The following WAPL variants were observed in gnomAD, a reference collection of about 807,000 sequenced individuals.
WAPL encodes the protein wings apart-like protein homolog.
Under a neutral mutation model 121.0 loss-of-function variants are expected in WAPL, and 5 were observed. The observed-to-expected ratio is 0.04, with a 90% confidence interval of 0.02 to 0.09. The LOEUF (loss-of-function observed/expected upper bound fraction) is 0.09, where lower values mean the gene tolerates loss of function less well. Among genes scored for constraint, WAPL ranks in the 10% least tolerant of loss-of-function variants. The probability of loss-of-function intolerance (pLI) is 1.00; values close to 1 mark genes in which losing one functional copy is unlikely to be tolerated. For missense variants in WAPL, 999 were observed against 1,410.8 expected, an observed-to-expected ratio of 0.71 and a Z score of 4.68; for synonymous variants, 480 against 481.5, an observed-to-expected ratio of 1.00 and a Z score of 0.04.
At position 86,453,226 on chromosome 10, in the gene WAPL, T is replaced by C; in HGVS notation, c.2943A>G (p.Arg981=). The change falls in exon 14 of 19, where the codon CGA becomes CGG. Residue 981 remains arginine (R), a synonymous_variant. Coordinates refer to ENST00000298767, the MANE Select transcript of WAPL (RefSeq NM_015045.5). ...YLPQEQRFDI[R]VLGLGLLINL... ...AAAAGTCATTTCAACTTACCAGCAC[T>C]CGAATATCAAATCTCTGCTCCTGAG... 6.2e-7 allele frequency: 1 copy of C among 1,613,978 alleles called. No homozygotes were observed. Among genetic ancestry groups the C allele is most frequent in the Non-Finnish European group, 8.5e-7 (1 of 1,179,936 alleles).
intron 17 of WAPL, among the ~76,000 whole-genome samples, chr10:86,442,778 G>A (rs940895509): frequency 6.6e-6 from 1 of 152,034 alleles, no homozygotes; most frequent in Non-Finnish European, 1.5e-5. Flanking sequence ...GGTGGCTCAC[G>A]CCTGTAATCC....
At chr10:86,484,014 C>T (rs978097489) in intron 4 of WAPL, among the ~76,000 whole-genome samples, 4 of 150,416 alleles carry the variant, frequency 2.7e-5, no homozygotes, top group African/African-American at 9.7e-5. Context: ...CCACCGCACC[C>T]AGGCAACAAA....
At chr10:86,487,341 T>A (rs545090038) in intron 4 of WAPL, among the ~76,000 whole-genome samples, 1 of 152,264 alleles carries the variant, frequency 6.6e-6, no homozygotes, top group South Asian at 2.1e-4. Flanking sequence ...CAAGAACTGC[T>A]CAATGATCAA....
At chr10:86,493,740 G>A (rs1013271794) in intron 4 of WAPL, among the ~76,000 whole-genome samples, 1 of 150,986 alleles carries the variant, frequency 6.6e-6, no homozygotes, top group South Asian at 2.1e-4. Context: ...ATTGGCTCAC[G>A]CCTGTAATCG....
At chr10:86,458,509 C>G (rs1482222325) in intron 12 of WAPL, among the ~76,000 whole-genome samples, 1 of 152,126 alleles carries the variant, frequency 6.6e-6, no homozygotes, top group African/African-American at 2.4e-5. Flanking sequence ...ATTTACTATA[C>G]GCCAAGTACT....
At chr10:86,486,223 A>T (rs1006800938) in intron 4 of WAPL, among the ~76,000 whole-genome samples, 3 of 152,206 alleles carry the variant, frequency 2.0e-5, no homozygotes, top group African/African-American at 7.2e-5. Flanking sequence ...ACACTGGGTA[A>T]AACTGTTCTG....
At chr10:86,504,403 G>A in intron 2 of WAPL, among the ~76,000 whole-genome samples, 1 of 149,956 alleles carries the variant, frequency 6.7e-6, no homozygotes, top group Non-Finnish European at 1.5e-5. Context: ...CAGGCCAGGT[G>A]CGGTGGCTCA....
chr10:86,476,918 G>C (rs990141099), intron 4 of WAPL, among the ~76,000 whole-genome samples: 1 of 152,028 alleles, frequency 6.6e-6, no homozygotes, highest in African/African-American at 2.4e-5. Context: ...TATATTAAAA[G>C]GTCATATTAA....
chr10:86,513,171 AT>A (rs1353154369), intron 2 of WAPL, among the ~76,000 whole-genome samples: 1 of 151,468 alleles, frequency 6.6e-6, no homozygotes, highest in African/African-American at 2.4e-5. Context: ...ATTTTTTTGT[AT>A]TTTTAGTAGA....
chr10:86,460,728 T>C (rs1183416689), intron 10 of WAPL, among the ~76,000 whole-genome samples: 1 of 152,124 alleles, frequency 6.6e-6, no homozygotes, highest in Non-Finnish European at 1.5e-5. Context: ...TCTTTTTTTT[T>C]TTGAGATGGA....
At chr10:86,513,988 GAA>G (rs767806425) in intron 2 of WAPL, among the ~76,000 whole-genome samples, 27 of 152,184 alleles carry the variant, frequency 1.8e-4, no homozygotes, top group Admixed American at 5.9e-4. Flanking sequence ...TGCATCTGGA[GAA>G]AAGAGTTCAA....
At chr10:86,471,720 C>T (rs1218976600) in intron 7 of WAPL, among the ~76,000 whole-genome samples, 2 of 152,110 alleles carry the variant, frequency 1.3e-5, no homozygotes, top group African/African-American at 4.8e-5. Flanking sequence ...AGTGCAGCAG[C>T]ATGATCACGG....
intron 18 of WAPL, 34 bp from the exon 19 acceptor site, chr10:86,437,642 G>A: frequency 1.9e-6 from 3 of 1,603,984 alleles, no homozygotes; most frequent in Non-Finnish European, 2.6e-6. Flanking sequence ...GGAAGTAACA[G>A]TTAATATTTA....
chr10:86,518,212 T>C, intron 1 of WAPL, 121 bp from the exon 2 acceptor site: 3 of 954,714 alleles, frequency 3.1e-6, no homozygotes, highest in Non-Finnish European at 4.5e-6. Flanking sequence ...CACAGACTTT[T>C]AAATAAACAA....
chr10:86,464,290 T>C (rs1442230082), intron 9 of WAPL, among the ~76,000 whole-genome samples: 1 of 152,214 alleles, frequency 6.6e-6, no homozygotes, highest in South Asian at 2.1e-4. Flanking sequence ...AACTATTTAA[T>C]AGAGTGTAGG....
At chr10:86,486,927 G>C (rs1019728445) in intron 4 of WAPL, among the ~76,000 whole-genome samples, 1 of 152,188 alleles carries the variant, frequency 6.6e-6, no homozygotes, top group Middle Eastern at 3.4e-3. Flanking sequence ...TTGCACTCCA[G>C]CCTGAGCAAC....
intron 2 of WAPL, among the ~76,000 whole-genome samples, chr10:86,506,270 T>C (rs1361536988): frequency 1.3e-5 from 2 of 151,876 alleles, no homozygotes; most frequent in African/African-American, 4.8e-5. Context: ...ACAAAATACT[T>C]TGAGGGTGAG....
chr10:86,485,829 A>G (rs1169585554), intron 4 of WAPL, among the ~76,000 whole-genome samples: 1 of 152,182 alleles, frequency 6.6e-6, no homozygotes, highest in Admixed American at 6.5e-5. Flanking sequence ...TGCCTTTTTA[A>G]GATACTCTTC....
chr10:86,455,081 G>A lies in WAPL; in HGVS notation c.2658-1250C>T, dbSNP rs537559655. Among the ~76,000 whole-genome samples, 174 of 141,898 alleles carry A rather than the reference G, an allele frequency of 1.2e-3. 4 individuals carry two copies. In the South Asian group the frequency reaches 0.032, roughly 26 times the overall value. The allele number at this position is 141,898 out of a possible 152,430, so 93.1% of individuals were successfully genotyped here. A position where few individuals can be genotyped will look rare whatever the true frequency, so the allele number is the denominator to read the frequency against. On this transcript the variant is annotated intron_variant, in intron 12 of 18. Coordinates refer to ENST00000298767, the MANE Select transcript of WAPL (RefSeq NM_015045.5). ...GGGAGGGAGGTGGGGGGCAGCCCCC[G>A]CCCGGCAGCCGCCCCGTCCAGGAGG...
Sources: allele counts gnomAD v4.1 joint callset (sites outside exome capture counted in the v4.1 genomes callset), GRCh38; gene constraint gnomAD v4.1.1; transcripts MANE v1.5; gene names NCBI Gene and HGNC (gene_info 2026-07-23, HGNC 2026-07-21).